The following GRIK4 variants were observed in gnomAD, a reference collection of about 807,000 sequenced individuals.
GRIK4 encodes the protein glutamate receptor ionotropic, kainate 4.
GRIK4 carries 40 observed loss-of-function variants against 104.9 expected under a neutral mutation model. The observed-to-expected ratio is 0.38, with a 90% CI of 0.30 to 0.50. The LOEUF (loss-of-function observed/expected upper bound fraction) is 0.50. Among genes scored for constraint, GRIK4 ranks in the 20% least tolerant of loss-of-function variants. The pLI, the probability that GRIK4 is intolerant of heterozygous loss-of-function variation, is 0.93. For synonymous variants in GRIK4, 485 were observed against 524.9 expected (o/e 0.92, Z 1.04); for missense variants, 1,047 against 1,308.1 (o/e 0.80, Z 3.08).
In GRIK4 at chr11:120,906,833, C is replaced by G. The variant is rs1473685667; in HGVS notation, c.1476+1340C>G. On this transcript the variant is annotated intron_variant, in intron 13 of 20. Coordinates refer to ENST00000527524, the MANE Select transcript of GRIK4 (RefSeq NM_014619.5). Reference sequence around the variant, plus strand: ...GCAGGGTAAAATGGCCAGCCTTGTTCTGGGAATTCTGAACGACCCAGGGTG... The same window carrying G: ...GCAGGGTAAAATGGCCAGCCTTGTTGTGGGAATTCTGAACGACCCAGGGTG... 2.6e-5 allele frequency among the ~76,000 whole-genome samples: 4 copies of G among 152,164 alleles called. No individual in the cohort carries two copies. The East Asian group carries it at 5.8e-4, about 22-fold the overall frequency.
chr11:120,593,240 T>G (rs556507916), intron 1 of GRIK4, among the ~76,000 whole-genome samples: 27 of 149,396 alleles, frequency 1.8e-4, no homozygotes, highest in Admixed American at 1.7e-3. Context: ...CCATTTCTGC[T>G]CCCTTTTGTA....
At chr11:120,661,442 G>A (rs182661377) in intron 3 of GRIK4, among the ~76,000 whole-genome samples, 102 of 152,358 alleles carry the variant, frequency 6.7e-4, no homozygotes, top group Middle Eastern at 3.4e-3. Flanking sequence ...CCACACTGGG[G>A]GTGGGGTTGG....
chr11:120,878,193 G>A (rs542054524), intron 11 of GRIK4, among the ~76,000 whole-genome samples: 14 of 152,318 alleles, frequency 9.2e-5, no homozygotes, highest in African/African-American at 2.9e-4. Flanking sequence ...ACACATAAGC[G>A]GGCAGGACAG....
chr11:120,753,348 G>C (rs1269690431), intron 3 of GRIK4, among the ~76,000 whole-genome samples: 1 of 124,630 alleles, frequency 8.0e-6, no homozygotes, highest in Non-Finnish European at 1.6e-5. Context: ...TGTGTGCAGG[G>C]TGGCTAGGGG....
chr11:120,519,093 G>A (rs533161104), intron 1 of GRIK4, among the ~76,000 whole-genome samples: 1 of 152,348 alleles, frequency 6.6e-6, no homozygotes, highest in South Asian at 2.1e-4. Context: ...CTCTGTGGGG[G>A]CACGGATAGG....
intron 1 of GRIK4, among the ~76,000 whole-genome samples, chr11:120,547,389 G>A (rs1428397188): frequency 1.3e-5 from 2 of 152,368 alleles, no homozygotes; most frequent in Admixed American, 1.3e-4. Flanking sequence ...CACGAGCGGA[G>A]TACAGAGGGA....
At chr11:120,610,526 G>A (rs542927149) in intron 1 of GRIK4, among the ~76,000 whole-genome samples, 14 of 152,302 alleles carry the variant, frequency 9.2e-5, no homozygotes, top group African/African-American at 3.1e-4. Context: ...TCTCTCACCT[G>A]TCCTGGGGCT....
rs1555046760 is a variant in GRIK4, at chr11:120,710,997, T to TCGGG, written c.82+50597_82+50598insCGGG. On this transcript the variant is annotated intron_variant, in intron 3 of 20. Transcript: ENST00000527524. ...GCCAGCCTCGCTTGCCCCTGTGAGG[T>TCGGG]GGGGAGGGGGTGTGAGCAGCTGCAG... Among the ~76,000 whole-genome samples, 59 of 124,914 alleles carry TCGGG rather than the reference T, an allele frequency of 4.7e-4. 3 individuals are homozygous for TCGGG. Among genetic ancestry groups the TCGGG allele is most frequent in the South Asian group, 4.1e-3 (15 of 3,678 alleles). 81.9% of individuals were successfully genotyped at this position (124,914 alleles called of 152,430 possible). A position where few individuals can be genotyped will look rare whatever the true frequency, so the allele number is the denominator to read the frequency against.
chr11:120,645,314 G>T (rs1048396079), intron 1 of GRIK4, among the ~76,000 whole-genome samples: 3 of 152,228 alleles, frequency 2.0e-5, no homozygotes, highest in African/African-American at 7.2e-5. Context: ...CCGGGTGACT[G>T]ATGTCTCTGC....
intron 6 of GRIK4, among the ~76,000 whole-genome samples, chr11:120,823,793 G>A (rs11827443): frequency 0.011 from 1,649 of 152,312 alleles, 42 homozygotes; most frequent in African/African-American, 0.036. Flanking sequence ...AGGTGCAGTA[G>A]GGGACGGCCC....
intron 13 of GRIK4, among the ~76,000 whole-genome samples, chr11:120,928,349 A>C (rs1297681729): frequency 6.6e-6 from 1 of 152,132 alleles, no homozygotes; most frequent in East Asian, 1.9e-4. Flanking sequence ...CTCTGTTTAC[A>C]CAGGGAGTTG....
chr11:120,627,799 C>T (rs1204087061), intron 1 of GRIK4, among the ~76,000 whole-genome samples: 2 of 152,234 alleles, frequency 1.3e-5, no homozygotes, highest in Non-Finnish European at 2.9e-5. Flanking sequence ...GAGCTGCTCC[C>T]ATCTGGCTGC....
At chr11:120,823,563 C>G (rs546807270) in intron 6 of GRIK4, among the ~76,000 whole-genome samples, 37 of 152,310 alleles carry the variant, frequency 2.4e-4, no homozygotes, top group South Asian at 1.0e-3. Flanking sequence ...TCTTAGTCCT[C>G]TGATCTTCAA....
At chr11:120,665,429 G>C (rs1011733456) in intron 3 of GRIK4, among the ~76,000 whole-genome samples, 3 of 152,176 alleles carry the variant, frequency 2.0e-5, no homozygotes, top group Non-Finnish European at 4.4e-5. Flanking sequence ...TGTCACCTAG[G>C]GGGGGAATAT....
At chr11:120,715,364 G>C (rs1421226213) in intron 3 of GRIK4, among the ~76,000 whole-genome samples, 1 of 152,156 alleles carries the variant, frequency 6.6e-6, no homozygotes, top group Non-Finnish European at 1.5e-5. Context: ...TTGAGCATCC[G>C]TTGTCGGAAA....
At chr11:120,708,277 G>T (rs750125433) in intron 3 of GRIK4, among the ~76,000 whole-genome samples, 1 of 152,064 alleles carries the variant, frequency 6.6e-6, no homozygotes, top group African/African-American at 2.4e-5. Context: ...TAACTGTAGC[G>T]CCTGATGTGT....
chr11:120,934,408 G>T (rs976330203), intron 13 of GRIK4, among the ~76,000 whole-genome samples: 1 of 152,104 alleles, frequency 6.6e-6, no homozygotes, highest in African/African-American at 2.4e-5. Flanking sequence ...AGGAAGCCCG[G>T]AGTGGGAGCA....
At chr11:120,606,659 C>T (rs1366065991) in intron 1 of GRIK4, among the ~76,000 whole-genome samples, 1 of 152,158 alleles carries the variant, frequency 6.6e-6, no homozygotes, top group East Asian at 1.9e-4. Context: ...ATGAGAGTGC[C>T]GCAGGTGTTG....
chr11:120,516,583 G>A (rs919174639), intron 1 of GRIK4, among the ~76,000 whole-genome samples: 2 of 152,030 alleles, frequency 1.3e-5, no homozygotes, highest in African/African-American at 2.4e-5. Context: ...CGGGGGAGCC[G>A]GTGAAGATTC....
Sources: allele counts gnomAD v4.1 joint callset (sites outside exome capture counted in the v4.1 genomes callset), GRCh38; gene constraint gnomAD v4.1.1; transcripts MANE v1.5; gene names NCBI Gene and HGNC (gene_info 2026-07-23, HGNC 2026-07-21).